The following PLEKHA5 variants were observed in gnomAD, a reference collection of about 807,000 sequenced individuals.
PLEKHA5 encodes pleckstrin homology domain-containing family A member 5.
PLEKHA5 carries 55 observed loss-of-function variants against 181.9 expected under a neutral mutation model. That is an observed-to-expected ratio of 0.30 (90% CI 0.24 to 0.38). PLEKHA5 has a LOEUF of 0.38. PLEKHA5 is among the 10% of genes least tolerant of loss of function. The probability of loss-of-function intolerance (pLI) is 1.00; values close to 1 mark genes in which losing one functional copy is unlikely to be tolerated. For synonymous variants in PLEKHA5, 535 were observed against 529.4 expected (o/e 1.01, Z -0.15); for missense variants, 1,432 against 1,549.5 (o/e 0.92, Z 1.27).
intron 3 of PLEKHA5, chr12:19,200,381 G>C (rs1218734627): frequency 2.6e-6 from 4 of 1,528,300 alleles, no homozygotes; most frequent in Non-Finnish European, 3.5e-6. Flanking sequence ...GGAAGTTCCA[G>C]TATCTGTATG....
intron 15 of PLEKHA5, among the ~76,000 whole-genome samples, chr12:19,297,623 C>A (rs1443882454): frequency 7.5e-6 from 1 of 134,170 alleles, no homozygotes; most frequent in African/African-American, 2.8e-5. Flanking sequence ...AGCGAGGCTC[C>A]GTCTCAAAAA....
chr12:19,330,943 C>T (rs910526386), intron 20 of PLEKHA5, among the ~76,000 whole-genome samples: 1 of 152,114 alleles, frequency 6.6e-6, no homozygotes, highest in Admixed American at 6.6e-5. Flanking sequence ...AATTACACTA[C>T]ATCTATTGCC....
At chr12:19,171,580 A>T (rs2045899548) in intron 3 of PLEKHA5, among the ~76,000 whole-genome samples, 2 of 152,002 alleles carry the variant, frequency 1.3e-5, no homozygotes, top group Admixed American at 1.3e-4. Flanking sequence ...GCTGGTCTTG[A>T]ACTACTGACC....
intron 3 of PLEKHA5, among the ~76,000 whole-genome samples, chr12:19,223,196 C>CACTCTCT (rs1397529247): frequency 6.6e-6 from 1 of 151,960 alleles, no homozygotes; most frequent in Non-Finnish European, 1.5e-5. Context: ...GACATTAACA[C>CACTCTCT]ACTCTCTACC....
At chr12:19,310,772 G>T in intron 15 of PLEKHA5, among the ~76,000 whole-genome samples, 1 of 152,120 alleles carries the variant, frequency 6.6e-6, no homozygotes, top group East Asian at 1.9e-4. Flanking sequence ...AGCTGGGCGT[G>T]GTTTTTTGTT....
In PLEKHA5 at chr12:19,233,742, G is replaced by T. The variant is rs192901729; in HGVS notation, c.228-20198G>T. 1.4e-3 allele frequency among the ~76,000 whole-genome samples: 215 copies of T among 152,286 alleles called. 1 individual carries two copies. The highest frequency in any genetic ancestry group is 2.3e-3 in the Non-Finnish European group (158 of 68,020). ...TATCACAAATATTGCTGAGGAATGT[G>T]CTGAAACGTTATTTGGTGGAGAGTA... On this transcript the variant is annotated intron_variant, in intron 3 of 31. Coordinates refer to ENST00000429027, the MANE Select transcript of PLEKHA5 (RefSeq NM_001256470.2).
intron 3 of PLEKHA5, among the ~76,000 whole-genome samples, chr12:19,163,245 C>T (rs1253722804): frequency 1.3e-5 from 2 of 151,336 alleles, no homozygotes; most frequent in East Asian, 2.0e-4. Flanking sequence ...GGCACAATCT[C>T]GGCTCACTGC....
In PLEKHA5 at chr12:19,132,254, A is replaced by G. The variant is rs1315484481; in HGVS notation, c.170-139A>G. On this transcript the variant is annotated intron_variant, in intron 2 of 31. Transcript: ENST00000429027. ...TTTTTCAAAAAATGATATCTGTTGT[A>G]TTGCCAGCTCAACACTTTTTTTGTT... 1.5e-5 allele frequency: 9 copies of G among 611,930 alleles called. No individual in the cohort carries two copies. In the East Asian group the frequency reaches 2.6e-4, roughly 18 times the overall value. 37.9% of individuals were successfully genotyped at this position (611,930 alleles called of 1,614,324 possible). A position where few individuals can be genotyped will look rare whatever the true frequency, so the allele number is the denominator to read the frequency against.
intron 16 of PLEKHA5, among the ~76,000 whole-genome samples, chr12:19,316,948 C>T (rs1201885234): frequency 6.6e-6 from 1 of 152,028 alleles, no homozygotes; most frequent in Non-Finnish European, 1.5e-5. Flanking sequence ...TGTTTTATAA[C>T]CTATTTTATT....
chr12:19,228,855 A>G (rs1041649863), intron 3 of PLEKHA5, among the ~76,000 whole-genome samples: 2 of 152,228 alleles, frequency 1.3e-5, no homozygotes, highest in Non-Finnish European at 2.9e-5. Context: ...TATTTGCTAA[A>G]CAAATGAAAA....
chr12:19,229,040 CAAAG>C (rs2060071402), intron 3 of PLEKHA5, among the ~76,000 whole-genome samples: 1 of 152,084 alleles, frequency 6.6e-6, no homozygotes, highest in South Asian at 2.1e-4. Context: ...TAAAAACAGA[CAAAG>C]AAATCTGCCC....
At chr12:19,304,412 T>C (rs1408608032) in intron 15 of PLEKHA5, among the ~76,000 whole-genome samples, 1 of 152,178 alleles carries the variant, frequency 6.6e-6, no homozygotes, top group South Asian at 2.1e-4. Flanking sequence ...TAATGCTATA[T>C]CTTAGACAAC....
At chr12:19,306,785 T>C (rs1013072304) in intron 15 of PLEKHA5, 233 of 891,994 alleles carry the variant, frequency 2.6e-4, no homozygotes, top group Non-Finnish European at 3.8e-4. Flanking sequence ...AATTCCATGA[T>C]CCAGACTCAG....
intron 3 of PLEKHA5, among the ~76,000 whole-genome samples, chr12:19,215,657 T>C (rs2057832488): frequency 1.3e-5 from 2 of 152,150 alleles, no homozygotes. Flanking sequence ...CTTTAAAAAT[T>C]TTAGCAGTTT....
intron 3 of PLEKHA5, among the ~76,000 whole-genome samples, chr12:19,135,264 GC>G (rs1427977576): frequency 1.3e-5 from 2 of 152,120 alleles, no homozygotes; most frequent in Admixed American, 1.3e-4. Flanking sequence ...ATTGACACTT[GC>G]ATCTCTGTAG....
chr12:19,131,214 A>C (rs941294205), intron 2 of PLEKHA5, among the ~76,000 whole-genome samples: 5 of 152,134 alleles, frequency 3.3e-5, no homozygotes, highest in African/African-American at 1.2e-4. Context: ...CCTCTGGGGT[A>C]CATTCTCTCG....
Position 19,132,383 on chromosome 12 carries a change from A to T in PLEKHA5, c.170-10A>T. ...AAGTAATACTAATTGTAATATATGT[A>T]TTGTTTTAGATTTGCCTACTGGCTG... On this transcript the variant is annotated splice_polypyrimidine_tract_variant and intron_variant, in intron 2 of 31. Coordinates refer to ENST00000429027, the MANE Select transcript of PLEKHA5 (RefSeq NM_001256470.2). 7.4e-7 allele frequency: 1 copy of T among 1,344,306 alleles called. No homozygotes were observed. The highest frequency in any genetic ancestry group is 1.1e-6 in the Non-Finnish European group (1 of 943,846). The allele number at this position is 1,344,306 out of a possible 1,614,324, so 83.3% of individuals were successfully genotyped here. A position where few individuals can be genotyped will look rare whatever the true frequency, so the allele number is the denominator to read the frequency against.
intron 30 of PLEKHA5, among the ~76,000 whole-genome samples, chr12:19,368,079 A>T (rs1169206912): frequency 1.3e-5 from 2 of 152,050 alleles, no homozygotes; most frequent in East Asian, 3.8e-4. Flanking sequence ...TTATAAATTT[A>T]AATAAAATAA....
intron 30 of PLEKHA5, among the ~76,000 whole-genome samples, chr12:19,366,478 C>T (rs1237224645): frequency 6.6e-6 from 1 of 152,104 alleles, no homozygotes; most frequent in Admixed American, 6.6e-5. Context: ...GATAGTGAAA[C>T]CCCGTCTCTA....
Sources: allele counts gnomAD v4.1 joint callset (sites outside exome capture counted in the v4.1 genomes callset), GRCh38; gene constraint gnomAD v4.1.1; transcripts MANE v1.5; gene names NCBI Gene and HGNC (gene_info 2026-07-23, HGNC 2026-07-21).